The following DHX30 variants were observed in gnomAD, a reference collection of about 807,000 sequenced individuals.
DHX30 encodes ATP-dependent RNA helicase DHX30.
DHX30 carries 4 observed loss-of-function variants against 116.9 expected under a neutral mutation model. The ratio of observed to expected loss-of-function variants is 0.03; its 90% CI spans 0.02 to 0.08. The LOEUF (loss-of-function observed/expected upper bound fraction) is 0.08, where lower values mean the gene tolerates loss of function less well. DHX30 is among the 10% of genes least tolerant of loss of function. The pLI, the probability that DHX30 is intolerant of heterozygous loss-of-function variation, is 1.00. For synonymous variants in DHX30, 697 were observed against 651.7 expected, an observed-to-expected ratio of 1.07 and a Z score of -1.06; for missense variants, 871 against 1,595.1, an observed-to-expected ratio of 0.55 and a Z score of 7.73.
Position 47,849,763 on chromosome 3 carries a change from A to G in DHX30, c.3325A>G (p.Ile1109Val), listed in dbSNP as rs1295190961. ...VLLLTDGDVH[I>V]RDDGRRATIS... is the part of the protein sequence containing the mutation. ...GCTGCTGACCGACGGGGACGTGCAC[A>G]TCCGTGGTGGGTGCCTGCAGGCCTC... Residue 1109 changes from isoleucine (I) to valine (V), a missense_variant, in exon 21 of 22, where the codon ATC becomes GTC. Ile to Val is a conservative substitution (Grantham distance 29). Coordinates refer to ENST00000445061, the MANE Select transcript of DHX30 (RefSeq NM_138615.3). 6.2e-7 allele frequency: 1 copy of G among 1,612,076 alleles called. No homozygotes were observed. Among genetic ancestry groups the G allele is most frequent in the Non-Finnish European group, 8.5e-7 (1 of 1,178,752 alleles).
intron 6 of DHX30, among the ~76,000 whole-genome samples, 153 bp downstream of exon 6, chr3:47,829,287 G>GAGATATAT (rs1553702167): frequency 2.8e-5 from 1 of 35,844 alleles, no homozygotes; most frequent in African/African-American, 1.5e-4. Context: ...CAGCCAATGA[G>GAGATATAT]ATATATATAT....
Position 47,821,104 on chromosome 3 carries a change from C to T in DHX30, c.124+2987C>T, listed in dbSNP as rs530676413. Among the ~76,000 whole-genome samples, 47 of 152,022 alleles carry T rather than the reference C, an allele frequency of 3.1e-4. No individual in the cohort carries two copies. The East Asian group carries it at 8.5e-3, about 28-fold the overall frequency. ...TGGTAACCGGAACTACAGGCATGCA[C>T]CAGCATGCCCAGCTGATTTTTTTGT... On this transcript the variant is annotated intron_variant, in intron 4 of 21. Transcript: ENST00000445061.
intron 7 of DHX30, 99 bp downstream of exon 7, chr3:47,841,277 CT>C (rs1314782578): frequency 1.3e-6 from 2 of 1,494,084 alleles, no homozygotes; most frequent in East Asian, 2.4e-5. Flanking sequence ...GGGAGCGCCC[CT>C]GCCTCACATT....
chr3:47,843,125 C>G lies in DHX30; in HGVS notation c.809C>G (p.Thr270Ser). 1 of 1,614,254 alleles carries G rather than the reference C, an allele frequency of 6.2e-7. No individual in the cohort carries two copies. The highest frequency in any genetic ancestry group is 8.5e-7 in the Non-Finnish European group (1 of 1,180,040). ...ATGTAGAACCTCATGCAGTTCCATA[C>G]TGTGGGCACCAAGACCAAGCTGTCT... ...STAKNLMQFHTVGTKTKLSTL... is the reference protein window; with the variant it reads ...STAKNLMQFHSVGTKTKLSTL... The change falls in exon 9 of 22, where the codon ACT (threonine) becomes AGT (serine). Residue 270 changes from threonine to serine, a missense_variant. Around this residue, in one of 13 missense-constraint regions of DHX30, gnomAD observed 175 missense variants for 292.9 expected, o/e 0.60. Transcript: ENST00000445061.
intron 6 of DHX30, among the ~76,000 whole-genome samples, chr3:47,833,537 C>CAAAAAAAA (rs71070236): frequency 4.8e-5 from 3 of 62,360 alleles, no homozygotes; most frequent in East Asian, 4.9e-4. Context: ...CTCTCTCTCT[C>CAAAAAAAA]AAAAAAAAAA....
At position 47,846,420 on chromosome 3, in the gene DHX30, C is replaced by T; in HGVS notation, c.1348C>T (p.His450Tyr). 1 of 1,614,170 alleles carries T rather than the reference C, an allele frequency of 6.2e-7. No individual in the cohort carries two copies. The highest frequency in any genetic ancestry group is 8.5e-7 in the Non-Finnish European group (1 of 1,180,044). Reference sequence around the variant, plus strand: ...CACCATCCTCAACGCCATTGAGCAGCACCCGGTGGTGGTCATCTCTGGGGA... The same window carrying T: ...CACCATCCTCAACGCCATTGAGCAGTACCCGGTGGTGGTCATCTCTGGGGA... Reference protein sequence around the residue: ...RDTILNAIEQHPVVVISGDTG... With the variant: ...RDTILNAIEQYPVVVISGDTG... The change falls in exon 11 of 22, where the codon CAC becomes TAC. Residue 450 changes from histidine (H) to tyrosine (Y), a missense_variant. By Grantham distance (83) the His-to-Tyr change is moderately conservative. This residue lies in a region of DHX30 where 175 missense variants were observed against 292.9 expected (regional missense o/e 0.60). Transcript: ENST00000445061.
At chr3:47,834,751 C>T (rs1033216993) in intron 6 of DHX30, among the ~76,000 whole-genome samples, 3 of 151,996 alleles carry the variant, frequency 2.0e-5, no homozygotes, top group African/African-American at 7.2e-5. Flanking sequence ...TGAGCCACTG[C>T]ACCTGGCCAG....
chr3:47,850,062 C>T lies in DHX30; in HGVS notation c.3527C>T (p.Ala1176Val), dbSNP rs1160000735. Residue 1176 changes from alanine (A) to valine (V), a missense_variant, in exon 22 of 22, where the codon GCA (alanine) becomes GTA (valine). Physicochemically the swap from Ala to Val is moderately conservative, Grantham distance 64 (BLOSUM62 0). Around this residue, in one of 13 missense-constraint regions of DHX30, gnomAD observed 52 missense variants for 50.1 expected, o/e 1.04. Coordinates refer to ENST00000445061, the MANE Select transcript of DHX30 (RefSeq NM_138615.3). Reference sequence around the variant, plus strand: ...CACGGGCAGCTGCTTGCGCTACTGGCAGAGCTGCTGCGAGGACCCTGTGGC... The same window carrying T: ...CACGGGCAGCTGCTTGCGCTACTGGTAGAGCTGCTGCGAGGACCCTGTGGC... ...EEHGQLLALL[A>V]ELLRGPCGSF... 6.9e-6 allele frequency: 11 copies of T among 1,599,064 alleles called. No homozygotes were observed. Among genetic ancestry groups the T allele is most frequent in the South Asian group, 1.1e-5 (1 of 89,442 alleles).
At chr3:47,834,212 T>A (rs941329978) in intron 6 of DHX30, among the ~76,000 whole-genome samples, 1 of 152,150 alleles carries the variant, frequency 6.6e-6, no homozygotes, top group Non-Finnish European at 1.5e-5. Context: ...CAAGCAATTC[T>A]CATGTCTCAG....
chr3:47,807,574 G>A (rs1348525779), intron 2 of DHX30, among the ~76,000 whole-genome samples: 5 of 151,516 alleles, frequency 3.3e-5, no homozygotes, highest in Middle Eastern at 3.2e-3. Flanking sequence ...GCATGGTGGC[G>A]TGTGCCTGTA....
At position 47,817,848 on chromosome 3, in the gene DHX30, T is replaced by A. The variant is rs2036127054; in HGVS notation, c.29-174T>A. ...ATCACATCATATGAGACGCTTGCCTTCTTCCTGTGTGGCGTTGTTAGTGCT... is the reference window on the plus strand; with the variant it reads ...ATCACATCATATGAGACGCTTGCCTACTTCCTGTGTGGCGTTGTTAGTGCT... On this transcript the variant is annotated intron_variant, in intron 3 of 21. Transcript: ENST00000445061. 2.6e-5 allele frequency among the ~76,000 whole-genome samples: 4 copies of A among 152,260 alleles called. No homozygotes were observed. In the South Asian group the frequency reaches 8.3e-4, roughly 32 times the overall value.
At chr3:47,820,894 G>A (rs1029534666) in intron 4 of DHX30, among the ~76,000 whole-genome samples, 5 of 149,340 alleles carry the variant, frequency 3.3e-5, no homozygotes, top group African/African-American at 7.3e-5. Flanking sequence ...GGGTGCATGC[G>A]TAAGGCTCTC....
At chr3:47,807,774 T>A (rs1337576177) in intron 2 of DHX30, among the ~76,000 whole-genome samples, 5 of 151,956 alleles carry the variant, frequency 3.3e-5, no homozygotes, top group African/African-American at 1.2e-4. Context: ...ACAAATTTTT[T>A]TTTTAGAGGC....
chr3:47,815,253 A>G (rs933569653), intron 3 of DHX30, among the ~76,000 whole-genome samples: 3 of 152,178 alleles, frequency 2.0e-5, no homozygotes, highest in African/African-American at 7.2e-5. Flanking sequence ...GAGCTGAAAT[A>G]TAGGAAAAGC....
Position 47,848,147 on chromosome 3 carries a change from A to C in DHX30, c.2287-33A>C, listed in dbSNP as rs770480787. On this transcript the variant is annotated intron_variant, in intron 14 of 21. Coordinates refer to ENST00000445061, the MANE Select transcript of DHX30 (RefSeq NM_138615.3). The surrounding 1 kb of genome is among the most constrained non-coding windows in gnomAD (Gnocchi z 9.4). ...AGTGGGGAAGCACTGAGGAAGTGGC[A>C]TTTGTGTGCTGCTTACTTGCCACCT... The C allele has an allele frequency of 1.2e-5, 19 of 1,611,720 alleles. No homozygotes were observed. The highest frequency in any genetic ancestry group is 1.6e-5 in the Non-Finnish European group (19 of 1,178,670).
chr3:47,807,153 C>G (rs1016368978), intron 2 of DHX30, among the ~76,000 whole-genome samples: 6 of 151,652 alleles, frequency 4.0e-5, no homozygotes, highest in African/African-American at 1.5e-4. Flanking sequence ...TTGTAGTGAG[C>G]AGAGATCATG....
intron 2 of DHX30, among the ~76,000 whole-genome samples, chr3:47,810,374 T>G (rs1277324783): frequency 1.3e-5 from 2 of 152,204 alleles, no homozygotes; most frequent in East Asian, 3.8e-4. Flanking sequence ...TAGATAGAAC[T>G]ACATGTCTCT....
At chr3:47,811,119 C>CTT (rs774376185) in intron 3 of DHX30, among the ~76,000 whole-genome samples, 1 of 142,168 alleles carries the variant, frequency 7.0e-6, no homozygotes. Flanking sequence ...TCGGCTAATT[C>CTT]TTTTTTTTTT....
At chr3:47,842,885 T>C (rs2107118187) in intron 8 of DHX30, among the ~76,000 whole-genome samples, 1 of 152,306 alleles carries the variant, frequency 6.6e-6, no homozygotes, top group Middle Eastern at 3.4e-3. Flanking sequence ...TCTTCTGCAG[T>C]GGAAGTCGAG....
Sources: allele counts gnomAD v4.1 joint callset (sites outside exome capture counted in the v4.1 genomes callset), GRCh38; gene constraint gnomAD v4.1.1; regional missense constraint gnomAD v4.1.1; non-coding constraint Gnocchi (gnomAD v3.1); transcripts MANE v1.5; gene names NCBI Gene and HGNC (gene_info 2026-07-23, HGNC 2026-07-21).